The following PDE4D variants were observed in gnomAD, a reference collection of about 807,000 sequenced individuals.
PDE4D encodes the protein 3',5'-cyclic-AMP phosphodiesterase 4D.
PDE4D carries 24 observed loss-of-function variants against 87.4 expected under a neutral mutation model. The ratio of observed to expected loss-of-function variants is 0.27; its 90% confidence interval spans 0.20 to 0.39. The LOEUF is 0.39. Ranked by LOEUF, PDE4D falls within the 10% of genes least tolerant of loss-of-function variation. The pLI is 1.00. For synonymous variants in PDE4D, 384 were observed against 383.2 expected (o/e 1.00, Z -0.02); for missense variants, 714 against 1,041.0 (o/e 0.69, Z 4.32).
At chr5:59,560,587 A>G (rs1318413933) in intron 1 of PDE4D, among the ~76,000 whole-genome samples, 1 of 152,216 alleles carries the variant, frequency 6.6e-6, no homozygotes, top group Non-Finnish European at 1.5e-5. Flanking sequence ...AATTAGGTTC[A>G]AGTTTTCACA....
intron 1 of PDE4D, among the ~76,000 whole-genome samples, chr5:59,791,914 G>A (rs1357469036): frequency 6.6e-6 from 1 of 152,162 alleles, no homozygotes; most frequent in Non-Finnish European, 1.5e-5. Flanking sequence ...GACAAAACGA[G>A]AGAATGTGTG....
intron 1 of PDE4D, among the ~76,000 whole-genome samples, chr5:60,369,285 G>A (rs1390126190): frequency 1.3e-5 from 2 of 152,044 alleles, no homozygotes; most frequent in Non-Finnish European, 2.9e-5. Context: ...GACTGAAGAG[G>A]TGAGTTCAGC....
chr5:59,974,203 C>T (rs1761072661), intron 3 of PDE4D, among the ~76,000 whole-genome samples: 1 of 151,982 alleles, frequency 6.6e-6, no homozygotes, highest in Non-Finnish European at 1.5e-5. Flanking sequence ...TGGAATAATG[C>T]TTGAATGCCA....
At chr5:59,507,496 TA>T (rs1273100480) in intron 1 of PDE4D, among the ~76,000 whole-genome samples, 1 of 150,692 alleles carries the variant, frequency 6.6e-6, no homozygotes, top group Non-Finnish European at 1.5e-5. Flanking sequence ...ACCCAGTCTA[TA>T]CAAAAAAATA....
intron 1 of PDE4D, among the ~76,000 whole-genome samples, chr5:60,493,438 C>T (rs953881736): frequency 1.3e-4 from 20 of 152,266 alleles, no homozygotes; most frequent in Admixed American, 1.2e-3. Context: ...TATATTTTCT[C>T]CTCCCATTGA....
intron 1 of PDE4D, among the ~76,000 whole-genome samples, chr5:60,455,691 C>T (rs1259347153): frequency 1.3e-5 from 2 of 151,532 alleles, no homozygotes; most frequent in East Asian, 4.2e-4. Flanking sequence ...ATAGCAATTA[C>T]CACCACCACC....
chr5:59,732,365 CA>C lies in PDE4D; in HGVS notation c.455+160802del, dbSNP rs1159821435. On this transcript the variant is annotated intron_variant, in intron 1 of 14. Transcript: ENST00000340635. Reference sequence around the variant, plus strand: ...ATTTTATTATTTTATTGTTAAATTGCACTGTGAATTTCAAATGTCAGGAGAC... The same window carrying C: ...ATTTTATTATTTTATTGTTAAATTGCCTGTGAATTTCAAATGTCAGGAGAC... 2.7e-5 allele frequency among the ~76,000 whole-genome samples: 4 copies of C among 150,018 alleles called. No individual in the cohort carries two copies. In the East Asian group the frequency reaches 7.8e-4, roughly 29 times the overall value.
At chr5:59,763,471 A>T (rs1762428102) in intron 1 of PDE4D, among the ~76,000 whole-genome samples, 1 of 152,210 alleles carries the variant, frequency 6.6e-6, no homozygotes, top group South Asian at 2.1e-4. Flanking sequence ...TTATGACTTA[A>T]ATATGACTAA....
At chr5:59,225,266 T>G (rs796205178) in intron 1 of PDE4D, among the ~76,000 whole-genome samples, 8 of 152,360 alleles carry the variant, frequency 5.3e-5, no homozygotes, top group African/African-American at 1.9e-4. Context: ...TTCAAGACTT[T>G]TCTTCATTGT....
At chr5:59,625,223 C>T (rs779894896) in intron 1 of PDE4D, among the ~76,000 whole-genome samples, 129 of 152,116 alleles carry the variant, frequency 8.5e-4, no homozygotes, top group Non-Finnish European at 1.1e-3. Flanking sequence ...AGGTCTTCCA[C>T]GGCTGAGATG....
At chr5:59,986,525 A>G (rs1762472167) in intron 3 of PDE4D, 1 of 152,238 alleles carries the variant, frequency 6.6e-6, no homozygotes, top group African/African-American at 2.4e-5. Context: ...GCTTTAAATT[A>G]GTGCATTTTA....
intron 1 of PDE4D, among the ~76,000 whole-genome samples, chr5:59,668,912 GAAGAAGAAGAAAGA>G (rs1746683607): frequency 1.2e-5 from 1 of 82,236 alleles, no homozygotes; most frequent in Admixed American, 1.2e-4. Flanking sequence ...AGAAGAAGAA[GAAGAAGAAGAAAGA>G]AAGAAAGAAT....
Position 59,417,934 on chromosome 5 carries a change from C to T in PDE4D, c.456-201966G>A, listed in dbSNP as rs1013423704. 1.4e-4 allele frequency among the ~76,000 whole-genome samples: 21 copies of T among 152,254 alleles called. No individual in the cohort carries two copies. In the South Asian group the frequency reaches 1.5e-3, roughly 11 times the overall value. On this transcript the variant is annotated intron_variant, in intron 1 of 14. Coordinates refer to ENST00000340635, the MANE Select transcript of PDE4D (RefSeq NM_001104631.2). ...TGCACTTTTTGAAAAGCAAAAACAA[C>T]AACAATAACAACAAAACGCTTTACT...
intron 1 of PDE4D, among the ~76,000 whole-genome samples, chr5:60,350,441 C>T (rs1759083221): frequency 6.6e-6 from 1 of 152,146 alleles, no homozygotes; most frequent in African/African-American, 2.4e-5. Flanking sequence ...CTGAGGTAGG[C>T]CAGAAACTTC....
At chr5:59,658,207 AG>A (rs1433648643) in intron 1 of PDE4D, among the ~76,000 whole-genome samples, 1 of 152,194 alleles carries the variant, frequency 6.6e-6, no homozygotes, top group Non-Finnish European at 1.5e-5. Flanking sequence ...CCTTTAAAAA[AG>A]CATGATAGTG....
At chr5:60,315,039 T>A (rs888271076) in intron 1 of PDE4D, among the ~76,000 whole-genome samples, 3 of 152,228 alleles carry the variant, frequency 2.0e-5, no homozygotes, top group African/African-American at 7.2e-5. Flanking sequence ...TTTCTAGTTC[T>A]AGATCCCTGA....
At chr5:60,366,960 T>G (rs1453037820) in intron 1 of PDE4D, among the ~76,000 whole-genome samples, 3 of 152,104 alleles carry the variant, frequency 2.0e-5, no homozygotes, top group African/African-American at 7.2e-5. Context: ...GGGAAATAAG[T>G]GAGTGTCACA....
chr5:59,586,264 TG>T, intron 1 of PDE4D: 1 of 1,220,932 alleles, frequency 8.2e-7, no homozygotes, highest in Non-Finnish European at 1.2e-6. Context: ...AATCCTCATC[TG>T]GTACCTGTCA....
chr5:59,896,358 T>TG (rs1369865557), upstream of PDE4D, among the ~76,000 whole-genome samples: 1 of 151,884 alleles, frequency 6.6e-6, no homozygotes. Flanking sequence ...GAATATCACC[T>TG]GGGGGAGCTT....
Sources: allele counts gnomAD v4.1 joint callset (sites outside exome capture counted in the v4.1 genomes callset), GRCh38; gene constraint gnomAD v4.1.1; transcripts MANE v1.5; gene names NCBI Gene and HGNC (gene_info 2026-07-23, HGNC 2026-07-21).